RALGPS1: variants seen among roughly 807,000 people sequenced by gnomAD.
RALGPS1 encodes the protein Ral GEF with PH domain and SH3 binding motif 1, also known as ras-specific guanine nucleotide-releasing factor RalGPS1.
Under a neutral mutation model 78.8 loss-of-function variants are expected in RALGPS1, and 19 were observed. The observed-to-expected ratio is 0.24, with a 90% CI of 0.17 to 0.35. The LOEUF is 0.35. RALGPS1 is among the 10% of genes least tolerant of loss of function. The pLI is 1.00. For synonymous variants in RALGPS1, 228 were observed against 256.3 expected, an observed-to-expected ratio of 0.89 and a Z score of 1.06; for missense variants, 454 against 688.3, an observed-to-expected ratio of 0.66 and a Z score of 3.81.
At chr9:127,121,790 G>T (rs1018929444) in intron 8 of RALGPS1, among the ~76,000 whole-genome samples, 1 of 152,184 alleles carries the variant, frequency 6.6e-6, no homozygotes, top group African/African-American at 2.4e-5. Context: ...CAGCTGGAGG[G>T]TGTGAGCAGA....
At chr9:127,042,911 C>A (rs527655515) in intron 5 of RALGPS1, among the ~76,000 whole-genome samples, 4 of 152,126 alleles carry the variant, frequency 2.6e-5, no homozygotes, top group Admixed American at 6.5e-5. Context: ...ACAAACAATA[C>A]CATTTACAAT....
chr9:127,187,333 A>C (rs943140453), intron 11 of RALGPS1, among the ~76,000 whole-genome samples: 1 of 151,804 alleles, frequency 6.6e-6, no homozygotes, highest in Non-Finnish European at 1.5e-5. Context: ...CTCCTTCCTC[A>C]TGTTCTGACC....
At chr9:126,945,081 G>C (rs1304859332) in intron 1 of RALGPS1, among the ~76,000 whole-genome samples, 1 of 152,186 alleles carries the variant, frequency 6.6e-6, no homozygotes, top group East Asian at 1.9e-4. Flanking sequence ...GCTCCCCACT[G>C]CTGCCCTCCT....
rs370944241 is a variant in RALGPS1 at position 127,209,786 on chromosome 9, C to T, written c.1248-2345C>T. 8.0e-4 allele frequency among the ~76,000 whole-genome samples: 122 copies of T among 152,290 alleles called. 2 individuals are homozygous for T. The South Asian group carries it at 0.023, about 29-fold the overall frequency. ...ATGTACCTGCTGCAATGTGTGAGGG[C>T]GGCCCCACACTACCCACAGGTACTG... On this transcript the variant is annotated intron_variant, in intron 14 of 18. Coordinates refer to ENST00000259351, the MANE Select transcript of RALGPS1 (RefSeq NM_014636.3).
chr9:127,133,655 A>G (rs1183859443), intron 8 of RALGPS1, among the ~76,000 whole-genome samples: 1 of 152,176 alleles, frequency 6.6e-6, no homozygotes, highest in Non-Finnish European at 1.5e-5. Context: ...CGGCATTGTC[A>G]GAGAAGCTTC....
At chr9:126,991,878 A>G (rs887415182) in intron 4 of RALGPS1, among the ~76,000 whole-genome samples, 14 of 152,200 alleles carry the variant, frequency 9.2e-5, no homozygotes, top group African/African-American at 1.4e-4. Flanking sequence ...GAGAAAAGCA[A>G]TAGGCAGCGC....
intron 4 of RALGPS1, among the ~76,000 whole-genome samples, chr9:126,995,171 C>A (rs1355247293): frequency 6.6e-6 from 1 of 152,168 alleles, no homozygotes; most frequent in Admixed American, 6.5e-5. Context: ...ATCAAATTCA[C>A]ACATAACAAT....
At position 127,085,933 on chromosome 9, in the gene RALGPS1, T is replaced by C. The variant is rs2051675540; in HGVS notation, c.610+16577T>C. On this transcript the variant is annotated intron_variant, in intron 8 of 18. Coordinates refer to ENST00000259351, the MANE Select transcript of RALGPS1 (RefSeq NM_014636.3). ...TGATCCCAACAACTGACTAGGGGCT[T>C]AGGAGAAGGGAGTTGAGAACTCTTA... 1.3e-5 allele frequency among the ~76,000 whole-genome samples: 2 copies of C among 152,268 alleles called. 1 individual carries two copies. Among genetic ancestry groups the C allele is most frequent in the South Asian group, 4.1e-4 (2 of 4,824 alleles).
At chr9:126,977,825 TC>T in intron 4 of RALGPS1, 80 bp downstream of exon 4, 1 of 939,556 alleles carries the variant, frequency 1.1e-6, no homozygotes, top group Admixed American at 2.4e-5. Context: ...TTAGAGTGTC[TC>T]AGTTTCTCTC....
intron 1 of RALGPS1, among the ~76,000 whole-genome samples, chr9:126,922,937 C>T (rs975498854): frequency 6.6e-6 from 1 of 152,190 alleles, no homozygotes; most frequent in African/African-American, 2.4e-5. Context: ...AATATGCTTT[C>T]TAGGGTAATT....
At chr9:127,148,083 T>C (rs987886170) in intron 8 of RALGPS1, among the ~76,000 whole-genome samples, 16 of 152,240 alleles carry the variant, frequency 1.1e-4, no homozygotes, top group African/African-American at 3.6e-4. Flanking sequence ...GTAGCACTAC[T>C]GATATATAAT....
At position 127,216,869 on chromosome 9, in the gene RALGPS1, A is replaced by C. The variant is rs560467662; in HGVS notation, c.1645-1871A>C. 2.0e-6 allele frequency: 3 copies of C among 1,497,434 alleles called. No homozygotes were observed. In the African/African-American group the frequency reaches 4.2e-5, roughly 21 times the overall value. 92.8% of individuals were successfully genotyped at this position (1,497,434 alleles called of 1,614,324 possible). On this transcript the variant is annotated intron_variant, in intron 18 of 18. Transcript: ENST00000259351. The stretch of plus-strand genomic sequence containing the variant: ...AGTAGCTCTGAGGGCCGCTCTCTTA[A>C]GAGCATAGCACACTGAAGCTCCCCT...
intron 4 of RALGPS1, among the ~76,000 whole-genome samples, chr9:127,030,664 A>T (rs2046352713): frequency 6.6e-6 from 1 of 151,878 alleles, no homozygotes; most frequent in Non-Finnish European, 1.5e-5. Context: ...TATTAATGGG[A>T]GAAGCTTAAT....
At position 126,952,656 on chromosome 9, in the gene RALGPS1, A is replaced by AGAGT. The variant is rs1554763340; in HGVS notation, c.-65-9568_-65-9567insAGTG. On this transcript the variant is annotated intron_variant, in intron 1 of 18. Coordinates refer to ENST00000259351, the MANE Select transcript of RALGPS1 (RefSeq NM_014636.3). ...GAGAGAGAGAGAGAGAGAGAGAGAGAGTGTGTGTGTGTGTGTGTGTGTGTC... is the reference window on the plus strand; with the variant it reads ...GAGAGAGAGAGAGAGAGAGAGAGAGAGAGTGTGTGTGTGTGTGTGTGTGTGTGTC... Among the ~76,000 whole-genome samples the AGAGT allele has an allele frequency of 6.3e-3, 878 of 138,840 alleles. 6 individuals are homozygous for AGAGT. The highest frequency in any genetic ancestry group is 0.021 in the African/African-American group (811 of 37,974). The allele number at this position is 138,840 out of a possible 152,430, so 91.1% of individuals were successfully genotyped here.
At chr9:127,204,858 G>A (rs1044748001) in intron 14 of RALGPS1, among the ~76,000 whole-genome samples, 5 of 152,234 alleles carry the variant, frequency 3.3e-5, no homozygotes, top group Non-Finnish European at 7.3e-5. Context: ...CCTTCCTTGA[G>A]AAGATCAGAG....
At chr9:127,141,407 T>C (rs1016604463) in intron 8 of RALGPS1, among the ~76,000 whole-genome samples, 1 of 152,062 alleles carries the variant, frequency 6.6e-6, no homozygotes, top group Admixed American at 6.5e-5. Context: ...GCTGCCTCCC[T>C]CCCTAGCCAT....
chr9:127,196,173 A>G (rs1207237850), intron 12 of RALGPS1, among the ~76,000 whole-genome samples: 1 of 152,244 alleles, frequency 6.6e-6, no homozygotes, highest in Non-Finnish European at 1.5e-5. Context: ...ACTGCTGCTC[A>G]CCTGTGCAGC....
In RALGPS1 at chr9:127,174,799, G is replaced by A. The variant is rs753202709; in HGVS notation, c.910+17G>A. On this transcript the variant is annotated intron_variant, in intron 11 of 18. Coordinates refer to ENST00000259351, the MANE Select transcript of RALGPS1 (RefSeq NM_014636.3). ...ATCTTGCAGGTATCGTAGCTACCTC[G>A]AGTGGGAGCAAACCCACTTAATAGC... The A allele has an allele frequency of 7.4e-6, 12 of 1,611,700 alleles. No individual in the cohort carries two copies. Among genetic ancestry groups the A allele is most frequent in the East Asian group, 4.5e-5 (2 of 44,872 alleles).
intron 1 of RALGPS1, among the ~76,000 whole-genome samples, chr9:126,937,032 G>A (rs572814112): frequency 6.6e-6 from 1 of 152,134 alleles, no homozygotes; most frequent in East Asian, 1.9e-4. Context: ...TGTATTTTTA[G>A]TAGAGATGGG....
Sources: gnomAD v4.1 joint callset for allele counts (sites outside exome capture counted in the v4.1 genomes callset) on GRCh38, gnomAD v4.1.1 for gene constraint, MANE v1.5 for transcripts, NCBI Gene and HGNC (gene_info 2026-07-23, HGNC 2026-07-21) for gene names.